Variants in UNC13C observed in about 807,000 individuals in gnomAD.
The protein encoded by UNC13C is unc-13 homolog C.
In UNC13C, 174 loss-of-function variants were observed where a neutral mutation model predicts 245.4. The ratio of observed to expected loss-of-function variants is 0.71; its 90% CI spans 0.63 to 0.80. UNC13C has a LOEUF of 0.80. UNC13C is among the 30% of genes least tolerant of loss of function. UNC13C has a pLI of 0.00. For synonymous variants in UNC13C, 992 were observed against 895.1 expected (o/e 1.11, Z -1.93); for missense variants, 2,829 against 2,602.9 (o/e 1.09, Z -1.89).
intron 2 of UNC13C, among the ~76,000 whole-genome samples, chr15:54,090,893 A>G (rs1390293296): frequency 6.6e-6 from 1 of 152,130 alleles, no homozygotes; most frequent in Non-Finnish European, 1.5e-5. Flanking sequence ...TGTAACTGGC[A>G]CATGTCAGTA....
intron 2 of UNC13C, among the ~76,000 whole-genome samples, chr15:54,115,018 T>C (rs114018937): frequency 0.012 from 1,837 of 152,234 alleles, 18 homozygotes; most frequent in Middle Eastern, 0.061. Context: ...TACTGGATTG[T>C]TTTTCAAGTT....
intron 4 of UNC13C, among the ~76,000 whole-genome samples, chr15:54,234,254 A>G (rs2035629648): frequency 6.6e-6 from 1 of 151,716 alleles, no homozygotes. Context: ...ATATATATAT[A>G]TATATGGGAG....
In UNC13C at chr15:54,043,899, T is replaced by G. The variant is rs373652493; in HGVS notation, c.2983+28013T>G. ...GCTTAGGCTTTAATTTCAGAATAAG[T>G]TTTTCCTATTACAACTTTATCAAAA... is the stretch of plus-strand genomic sequence containing the variant. On this transcript the variant is annotated intron_variant, in intron 2 of 32. Coordinates refer to ENST00000260323, the MANE Select transcript of UNC13C (RefSeq NM_001080534.3). 3.3e-5 allele frequency among the ~76,000 whole-genome samples: 5 copies of G among 152,226 alleles called. No homozygotes were observed. In the East Asian group the frequency reaches 7.7e-4, roughly 23 times the overall value.
chr15:54,498,572 AAAGT>A (rs549169225), intron 20 of UNC13C, among the ~76,000 whole-genome samples: 1 of 152,186 alleles, frequency 6.6e-6, no homozygotes, highest in Non-Finnish European at 1.5e-5. Flanking sequence ...TAGAATTTTA[AAAGT>A]AAGTGTGGTC....
chr15:54,199,852 C>A (rs1267821074), intron 4 of UNC13C, among the ~76,000 whole-genome samples: 1 of 152,012 alleles, frequency 6.6e-6, no homozygotes, highest in Non-Finnish European at 1.5e-5. Context: ...TCAATAGTAA[C>A]ATTGAATGTA....
Position 54,552,448 on chromosome 15 carries a change from TATAA to T in UNC13C, c.5877+2758_5877+2761del, listed in dbSNP as rs1896795377. 5.2e-3 allele frequency among the ~76,000 whole-genome samples: 11 copies of T among 2,112 alleles called. 1 individual carries two copies. Among genetic ancestry groups the T allele is most frequent in the African/African-American group, 0.028 (8 of 288 alleles). 1.4% of individuals were successfully genotyped at this position (2,112 alleles called of 152,430 possible). On this transcript the variant is annotated intron_variant, in intron 28 of 32. Transcript: ENST00000260323. Reference sequence around the variant, plus strand: ...TATAATATAATTATATATTACAATATATAATATAATTATATATTACAATATATAA... The same window carrying T: ...TATAATATAATTATATATTACAATATTATAATTATATATTACAATATATAA...
chr15:54,610,895 A>G (rs1900055990), intron 30 of UNC13C, among the ~76,000 whole-genome samples: 1 of 152,202 alleles, frequency 6.6e-6, no homozygotes, highest in Non-Finnish European at 1.5e-5. Flanking sequence ...TTGTTTTTGT[A>G]TCAGTTATTC....
In UNC13C at chr15:54,190,309, C is replaced by T. The variant is rs948740218; in HGVS notation, c.3072-44721C>T. Among the ~76,000 whole-genome samples the T allele has an allele frequency of 2.6e-5, 4 of 152,006 alleles. No individual in the cohort carries two copies. The South Asian group carries it at 8.3e-4, about 32-fold the overall frequency. On this transcript the variant is annotated intron_variant, in intron 4 of 32. Transcript: ENST00000260323. Reference sequence around the variant, plus strand: ...AAAAGTTTAACAAGACAGGTAATTCCTTTGGACAATAAAAATTCAAAAAGC... The same window carrying T: ...AAAAGTTTAACAAGACAGGTAATTCTTTTGGACAATAAAAATTCAAAAAGC...
Position 54,080,398 on chromosome 15 carries a change from T to C in UNC13C, c.2984-62620T>C, listed in dbSNP as rs945415773. Among the ~76,000 whole-genome samples, 10 of 152,158 alleles carry C rather than the reference T, an allele frequency of 6.6e-5. No individual in the cohort carries two copies. The East Asian group carries it at 1.2e-3, about 18-fold the overall frequency. On this transcript the variant is annotated intron_variant, in intron 2 of 32. Transcript: ENST00000260323. ...TGGAAACATTTCCGAAAGATTGGTA[T>C]CAGCTCTTCTTTGTACATCTGGTAG...
intron 4 of UNC13C, among the ~76,000 whole-genome samples, chr15:54,182,316 G>A (rs751797241): frequency 1.2e-4 from 19 of 152,008 alleles, no homozygotes; most frequent in Admixed American, 4.6e-4. Context: ...TTTTAATTCT[G>A]TTTATGTGAT....
chr15:54,000,943 A>G (rs1444984133), intron 1 of UNC13C, among the ~76,000 whole-genome samples: 3 of 152,202 alleles, frequency 2.0e-5, no homozygotes, highest in East Asian at 3.9e-4. Context: ...TGTAGGCAAC[A>G]CTTAGAGAAA....
chr15:53,895,193 G>A, the UNC13C span, among the ~76,000 whole-genome samples: 173 of 151,644 alleles, frequency 1.1e-3, no homozygotes, highest in Non-Finnish European at 1.8e-3. Context: ...GTGAAACCTC[G>A]TCTCTACTAA....
chr15:54,106,168 G>A (rs1595862692), intron 2 of UNC13C, among the ~76,000 whole-genome samples: 1 of 152,086 alleles, frequency 6.6e-6, no homozygotes, highest in Non-Finnish European at 1.5e-5. Flanking sequence ...ATATTCAGAA[G>A]CATCTACCTT....
At position 54,393,292 on chromosome 15, in the gene UNC13C, G is replaced by A. The variant is rs961338327; in HGVS notation, c.4847+111G>A. The A allele has an allele frequency of 6.2e-6, 6 of 962,484 alleles. No homozygotes were observed. The Admixed American group carries it at 1.2e-4, about 20-fold the overall frequency. The allele number at this position is 962,484 out of a possible 1,614,324, so 59.6% of individuals were successfully genotyped here. A position where few individuals can be genotyped will look rare whatever the true frequency, so the allele number is the denominator to read the frequency against. On this transcript the variant is annotated intron_variant, in intron 18 of 32. Transcript: ENST00000260323. ...CAATAATAAACTTTTCCATAATTAA[G>A]CTATAGAAAATAGTATTTTTCAACT...
Position 54,317,757 on chromosome 15 carries a change from G to A in UNC13C, c.4269-4182G>A, listed in dbSNP as rs78498698. On this transcript the variant is annotated intron_variant, in intron 13 of 32. Transcript: ENST00000260323. ...TTTTGTGGGAGAACTTTTAACATCC[G>A]TTCTCCTAGCGTTTTTCACAAATAC... 3.5e-3 allele frequency among the ~76,000 whole-genome samples: 534 copies of A among 151,864 alleles called. 19 individuals are homozygous for A. The East Asian group carries it at 0.067, about 19-fold the overall frequency.
chr15:54,195,372 G>A (rs993485547), intron 4 of UNC13C, among the ~76,000 whole-genome samples: 28 of 152,262 alleles, frequency 1.8e-4, no homozygotes, highest in African/African-American at 6.7e-4. Context: ...TTGCACTGTA[G>A]CTTTGCTATG....
At chr15:54,417,794 T>G (rs1413696410) in intron 19 of UNC13C, among the ~76,000 whole-genome samples, 1 of 152,192 alleles carries the variant, frequency 6.6e-6, no homozygotes, top group South Asian at 2.1e-4. Flanking sequence ...CATGAAAATC[T>G]AAGGAGCACT....
At chr15:54,003,520 C>T (rs1360300201) in intron 1 of UNC13C, among the ~76,000 whole-genome samples, 1 of 152,048 alleles carries the variant, frequency 6.6e-6, no homozygotes, top group Non-Finnish European at 1.5e-5. Flanking sequence ...TTCCCATTCT[C>T]AGACTTTAAT....
intron 30 of UNC13C, among the ~76,000 whole-genome samples, chr15:54,580,980 C>T (rs1002758401): frequency 6.6e-6 from 1 of 152,166 alleles, no homozygotes; most frequent in African/African-American, 2.4e-5. Flanking sequence ...GCACAAAGCA[C>T]TGTGCTAGGT....
Sources: allele counts gnomAD v4.1 joint callset (sites outside exome capture counted in the v4.1 genomes callset), GRCh38; gene constraint gnomAD v4.1.1; transcripts MANE v1.5; gene names NCBI Gene and HGNC (gene_info 2026-07-23, HGNC 2026-07-21).